Variants in PITPNM3 observed in about 807,000 individuals in gnomAD.
PITPNM3 encodes the protein PITPNM family member 3.
PITPNM3 carries 26 observed loss-of-function variants against 102.0 expected under a neutral mutation model. That is an observed-to-expected ratio of 0.25 (90% CI 0.19 to 0.35). PITPNM3 has a LOEUF of 0.35. PITPNM3 is among the 10% of genes least tolerant of loss of function. The probability of loss-of-function intolerance (pLI) is 1.00; values close to 1 mark genes in which losing one functional copy is unlikely to be tolerated. For missense variants in PITPNM3, 1,083 were observed against 1,346.1 expected (o/e 0.80, Z 3.06); for synonymous variants, 578 against 558.6 (o/e 1.03, Z -0.49).
chr17:6,525,491 A>C, intron 2 of PITPNM3, 28 bp from the exon 3 acceptor site: 2 of 1,552,548 alleles, frequency 1.3e-6, no homozygotes, highest in South Asian at 2.2e-5. Flanking sequence ...GGTGAGCAGA[A>C]GCAGGTGCAG....
At chr17:6,544,952 A>C (rs1909941682) in intron 1 of PITPNM3, among the ~76,000 whole-genome samples, 1 of 152,032 alleles carries the variant, frequency 6.6e-6, no homozygotes, top group Non-Finnish European at 1.5e-5. Context: ...CCAAACGCAG[A>C]ATGTGGAGTG....
At chr17:6,544,211 T>G (rs1043896522) in intron 1 of PITPNM3, among the ~76,000 whole-genome samples, 9 of 152,194 alleles carry the variant, frequency 5.9e-5, no homozygotes, top group Non-Finnish European at 4.4e-5. Flanking sequence ...TGGATGGACT[T>G]AAGCAATCTG....
rs1437498183 is a variant in PITPNM3 at position 6,556,257 on chromosome 17, G to A, written c.22+128C>T. 7.2e-6 allele frequency: 5 copies of A among 696,942 alleles called. No homozygotes were observed. Among genetic ancestry groups the A allele is most frequent in the Non-Finnish European group, 1.0e-5 (5 of 499,178 alleles). 43.2% of individuals were successfully genotyped at this position (696,942 alleles called of 1,614,324 possible). Reference sequence around the variant, plus strand: ...GCGCGGGAGGTCCAGCCCCGCTACCGCCCCCTACGCCCTCCCGGGACCTCC... The same window carrying A: ...GCGCGGGAGGTCCAGCCCCGCTACCACCCCCTACGCCCTCCCGGGACCTCC... On this transcript the variant is annotated intron_variant, in intron 1 of 19. Transcript: ENST00000262483. This position sits in a 1 kb window ranked among gnomAD's most constrained non-coding sequence, Gnocchi z 5.2.
At chr17:6,552,093 T>C (rs1910342033) in intron 1 of PITPNM3, among the ~76,000 whole-genome samples, 1 of 152,208 alleles carries the variant, frequency 6.6e-6, no homozygotes, top group Non-Finnish European at 1.5e-5. Context: ...AGTACTTTAC[T>C]GACTCAAATT....
intron 3 of PITPNM3, among the ~76,000 whole-genome samples, chr17:6,504,169 C>A (rs1907350725): frequency 6.6e-6 from 1 of 152,176 alleles, no homozygotes; most frequent in Non-Finnish European, 1.5e-5. Flanking sequence ...AGCGAAGTCA[C>A]CTCCTGGTCT....
intron 2 of PITPNM3, among the ~76,000 whole-genome samples, chr17:6,536,738 G>A (rs1284160502): frequency 1.3e-5 from 2 of 152,226 alleles, no homozygotes; most frequent in Non-Finnish European, 2.9e-5. Context: ...TCTGGGTATT[G>A]ACGTCTTCCC....
At chr17:6,519,983 C>G (rs1323586748) in intron 3 of PITPNM3, among the ~76,000 whole-genome samples, 1 of 152,050 alleles carries the variant, frequency 6.6e-6, no homozygotes, top group Non-Finnish European at 1.5e-5. Flanking sequence ...TAATTTACTT[C>G]CAGAATATAT....
rs558577936 is a variant in PITPNM3, at chr17:6,468,474, C to T, written c.1774-133G>A. 1.6e-5 allele frequency: 14 copies of T among 881,270 alleles called. No homozygotes were observed. The highest frequency in any genetic ancestry group is 9.9e-5 in the East Asian group (4 of 40,500). The allele number at this position is 881,270 out of a possible 1,614,324, so 54.6% of individuals were successfully genotyped here. A position where few individuals can be genotyped will look rare whatever the true frequency, so the allele number is the denominator to read the frequency against. On this transcript the variant is annotated intron_variant, in intron 13 of 19. Transcript: ENST00000262483. The surrounding 1 kb of genome is among the most constrained non-coding windows in gnomAD (Gnocchi z 5.2). ...ACCCCCCAACCTCACAGCCTGGAAC[C>T]GTCAGGAGGCCGCAGACCCCGGGAC...
intron 4 of PITPNM3, among the ~76,000 whole-genome samples, chr17:6,492,863 A>C (rs955894696): frequency 4.1e-4 from 63 of 152,214 alleles, no homozygotes; most frequent in African/African-American, 1.4e-3. Flanking sequence ...ATCTCAAAAA[A>C]TAAAATAATA....
rs570436035 is a variant in PITPNM3, at chr17:6,458,834, T to C, written c.2491-1112A>G. 1.3e-5 allele frequency among the ~76,000 whole-genome samples: 2 copies of C among 152,110 alleles called. No homozygotes were observed. Among genetic ancestry groups the C allele is most frequent in the African/African-American group, 4.8e-5 (2 of 41,480 alleles). On this transcript the variant is annotated intron_variant, in intron 18 of 19. Transcript: ENST00000262483. This position sits in a 1 kb window ranked among gnomAD's most constrained non-coding sequence, Gnocchi z 5.1. Reference sequence around the variant, plus strand: ...TCAGCCCTGGAAATTTTTTCCACTATCCACCTTGTGTTTTTGTACATGCTG... The same window carrying C: ...TCAGCCCTGGAAATTTTTTCCACTACCCACCTTGTGTTTTTGTACATGCTG...
In PITPNM3 at chr17:6,453,049, T is replaced by TCTCTGCCTTC. The variant is rs1913929918; in HGVS notation, c.*2288_*2289insGAAGGCAGAG. Reference sequence around the variant, plus strand: ...GCCTTCCTGTCTTTCTTTCTCCCTCTCTCTCTCTGCCTTCCTCTCTCTGTC... The same window carrying TCTCTGCCTTC: ...GCCTTCCTGTCTTTCTTTCTCCCTCTCTCTGCCTTCCTCTCTCTGCCTTCCTCTCTCTGTC... On this transcript the variant is annotated 3_prime_UTR_variant, in exon 20 of 20. Transcript: ENST00000262483. 1 of 151,300 alleles carries TCTCTGCCTTC rather than the reference T, an allele frequency of 6.6e-6. No individual in the cohort carries two copies. Among genetic ancestry groups the TCTCTGCCTTC allele is most frequent in the African/African-American group, 2.4e-5 (1 of 41,294 alleles). The allele number at this position is 151,300 out of a possible 1,614,324, so 9.4% of individuals were successfully genotyped here.
chr17:6,527,344 G>T (rs1319223315), intron 2 of PITPNM3, among the ~76,000 whole-genome samples: 1 of 152,190 alleles, frequency 6.6e-6, no homozygotes, highest in Non-Finnish European at 1.5e-5. Context: ...TCATCTAAAA[G>T]TGATATCATC....
At position 6,508,879 on chromosome 17, in the gene PITPNM3, C is replaced by T. The variant is rs143382574; in HGVS notation, c.227-5305G>A. Among the ~76,000 whole-genome samples the T allele has an allele frequency of 7.7e-3, 1,173 of 152,272 alleles. 13 individuals are homozygous for T. The highest frequency in any genetic ancestry group is 0.023 in the African/African-American group (963 of 41,550). On this transcript the variant is annotated intron_variant, in intron 3 of 19. Coordinates refer to ENST00000262483, the MANE Select transcript of PITPNM3 (RefSeq NM_031220.4). ...TGGAAACCGCCAGCGAGGGAGGAGC[C>T]GGCTTGAACCTGGCTTCCTGATTTA...
chr17:6,543,205 G>A (rs1038065441), intron 1 of PITPNM3, among the ~76,000 whole-genome samples: 12 of 152,150 alleles, frequency 7.9e-5, no homozygotes, highest in African/African-American at 1.9e-4. Context: ...TCCTGGCCCC[G>A]ATACCCACCA....
At chr17:6,524,754 C>T (rs1908727762) in intron 3 of PITPNM3, among the ~76,000 whole-genome samples, 1 of 152,200 alleles carries the variant, frequency 6.6e-6, no homozygotes, top group Admixed American at 6.5e-5. Flanking sequence ...CACTTATACA[C>T]AGTAGGTGCT....
In PITPNM3 at chr17:6,556,058, G is replaced by A. The variant is rs1338814853; in HGVS notation, c.22+327C>T. Among the ~76,000 whole-genome samples the A allele has an allele frequency of 1.3e-5, 2 of 152,226 alleles. No homozygotes were observed. The highest frequency in any genetic ancestry group is 2.9e-5 in the Non-Finnish European group (2 of 67,980). ...GCGGGACATCCCCTTCGGTGGCGAA[G>A]CCCGGGTCTGCCCGGGGCCTCCGCG... On this transcript the variant is annotated intron_variant, in intron 1 of 19. Coordinates refer to ENST00000262483, the MANE Select transcript of PITPNM3 (RefSeq NM_031220.4). The surrounding 1 kb of genome is among the most constrained non-coding windows in gnomAD (Gnocchi z 5.2).
intron 10 of PITPNM3, 113 bp downstream of exon 10, chr17:6,474,319 T>A: frequency 7.3e-7 from 1 of 1,379,252 alleles, no homozygotes; most frequent in Non-Finnish European, 1.0e-6. Context: ...CTATCCCAAC[T>A]CTGTGACCCT....
intron 4 of PITPNM3, among the ~76,000 whole-genome samples, chr17:6,487,152 C>T (rs1906144999): frequency 6.6e-6 from 1 of 152,132 alleles, no homozygotes; most frequent in Non-Finnish European, 1.5e-5. Flanking sequence ...GAGGTTGGCT[C>T]TAGGGCTGGG....
rs140076101 is a variant in PITPNM3 at position 6,519,087 on chromosome 17, C to T, written c.226+6269G>A. The stretch of plus-strand genomic sequence containing the variant: ...GCATGGTGGCTCATGCCTGTAATCC[C>T]AGCACTTTGGGAGGCCATGGCGGGC... On this transcript the variant is annotated intron_variant, in intron 3 of 19. Coordinates refer to ENST00000262483, the MANE Select transcript of PITPNM3 (RefSeq NM_031220.4). Among the ~76,000 whole-genome samples, 243 of 151,576 alleles carry T rather than the reference C, an allele frequency of 1.6e-3. 6 individuals carry two copies. In the East Asian group the frequency reaches 0.043, roughly 27 times the overall value.
Sources: allele counts gnomAD v4.1 joint callset (sites outside exome capture counted in the v4.1 genomes callset), GRCh38; gene constraint gnomAD v4.1.1; non-coding constraint Gnocchi (gnomAD v3.1); transcripts MANE v1.5; gene names NCBI Gene and HGNC (gene_info 2026-07-23, HGNC 2026-07-21).